GRIN3A: variants seen among roughly 807,000 people sequenced by gnomAD.
GRIN3A encodes the protein glutamate receptor ionotropic, NMDA 3A.
Under a neutral mutation model 92.4 loss-of-function variants are expected in GRIN3A, and 47 were observed. That is an observed-to-expected ratio of 0.51 (90% CI 0.40 to 0.65). The LOEUF is 0.65. GRIN3A is among the 30% of genes least tolerant of loss of function. GRIN3A has a pLI of 0.00. For missense variants in GRIN3A, 1,324 were observed against 1,393.1 expected (o/e 0.95, Z 0.79); for synonymous variants, 527 against 540.6 (o/e 0.97, Z 0.35).
rs551444528 is a variant in GRIN3A, at chr9:101,613,379, C to T, written c.2763G>A (p.Thr921=). The change falls in exon 6 of 9, where the codon ACG becomes ACA. Residue 921 remains threonine (T), a synonymous_variant. Coordinates refer to ENST00000361820, the MANE Select transcript of GRIN3A (RefSeq NM_133445.3). ...ATTTTCAACAGTCTTTCCATACCTC[C>T]GTGACAGCAAAACTTCTCTTGCCAC... ...VPCGKRSFAV[T]ETLQMGIKHF... 1,123 of 1,614,154 alleles carry T rather than the reference C, an allele frequency of 7.0e-4. 20 individuals carry two copies. The South Asian group carries it at 0.011, about 16-fold the overall frequency.
chr9:101,664,305 A>G (rs1261252790), intron 3 of GRIN3A, among the ~76,000 whole-genome samples: 2 of 151,904 alleles, frequency 1.3e-5, no homozygotes, highest in African/African-American at 4.8e-5. Context: ...GAATAGTGCT[A>G]TTTTACATTG....
At position 101,569,659 on chromosome 9, in the gene GRIN3A, T is replaced by C. The variant is rs1827733279; in HGVS notation, c.*3515A>G. The stretch of plus-strand genomic sequence containing the variant: ...AGGGAATCCTGGATTAGATGGATAG[T>C]TTAGGTGGGTAAAGAAAGGAATAAC... On this transcript the variant is annotated 3_prime_UTR_variant, in exon 9 of 9. Transcript: ENST00000361820. The C allele has an allele frequency of 6.6e-6, 1 of 152,202 alleles. No homozygotes were observed. The highest frequency in any genetic ancestry group is 2.1e-4 in the South Asian group (1 of 4,830). 9.4% of individuals were successfully genotyped at this position (152,202 alleles called of 1,614,324 possible).
chr9:101,588,773 AAACT>A (rs1827982155), intron 6 of GRIN3A, among the ~76,000 whole-genome samples: 1 of 151,858 alleles, frequency 6.6e-6, no homozygotes, highest in African/African-American at 2.4e-5. Flanking sequence ...ATTTTCTAAC[AAACT>A]ATTTTAATAT....
At chr9:101,576,531 G>T (rs1021403629) in intron 8 of GRIN3A, among the ~76,000 whole-genome samples, 1 of 152,160 alleles carries the variant, frequency 6.6e-6, no homozygotes, top group South Asian at 2.1e-4. Flanking sequence ...AGTTGGAGAT[G>T]GGATCATTGG....
At chr9:101,692,064 G>A (rs1369416687) in intron 1 of GRIN3A, among the ~76,000 whole-genome samples, 2 of 152,204 alleles carry the variant, frequency 1.3e-5, no homozygotes, top group African/African-American at 4.8e-5. Context: ...TTTAGTCACT[G>A]TTGGAAGTGA....
intron 6 of GRIN3A, among the ~76,000 whole-genome samples, chr9:101,586,247 A>T (rs1283825322): frequency 6.6e-6 from 1 of 151,970 alleles, no homozygotes; most frequent in African/African-American, 2.4e-5. Flanking sequence ...TTATTTGTTT[A>T]TTGCCTATTT....
chr9:101,614,465 A>G (rs182413384), intron 5 of GRIN3A, among the ~76,000 whole-genome samples: 1 of 152,286 alleles, frequency 6.6e-6, no homozygotes, highest in African/African-American at 2.4e-5. Context: ...AACAATATGG[A>G]TGATCCTTAG....
At chr9:101,585,365 TC>T (rs1827936796) in intron 6 of GRIN3A, among the ~76,000 whole-genome samples, 2 of 152,224 alleles carry the variant, frequency 1.3e-5, no homozygotes, top group East Asian at 3.8e-4. Flanking sequence ...ATGTTCTCAT[TC>T]AGAGTCAGCT....
chr9:101,590,623 G>C (rs1433206523), intron 6 of GRIN3A, among the ~76,000 whole-genome samples: 1 of 151,878 alleles, frequency 6.6e-6, no homozygotes, highest in African/African-American at 2.4e-5. Context: ...CTCGTGATCT[G>C]CCCGCCTCGG....
chr9:101,696,088 A>C (rs1829680483), intron 1 of GRIN3A, among the ~76,000 whole-genome samples: 1 of 152,180 alleles, frequency 6.6e-6, no homozygotes, highest in African/African-American at 2.4e-5. Context: ...CTCATAGGCG[A>C]AATAGACCAG....
In GRIN3A at chr9:101,738,086, C is replaced by CG; in HGVS notation, c.-108_-107insC. 1 of 950,448 alleles carries CG rather than the reference C, an allele frequency of 1.1e-6. No individual in the cohort carries two copies. The highest frequency in any genetic ancestry group is 1.6e-6 in the Non-Finnish European group (1 of 614,192). The allele number at this position is 950,448 out of a possible 1,614,324, so 58.9% of individuals were successfully genotyped here. A position where few individuals can be genotyped will look rare whatever the true frequency, so the allele number is the denominator to read the frequency against. On this transcript the variant is annotated 5_prime_UTR_variant, in exon 1 of 9. Transcript: ENST00000361820. Reference sequence around the variant, plus strand: ...CCAGGTCCCGCGCGCAGCTTCACTCCACTCGGTGAAGCGGTCCCAGGAGCT... The same window carrying CG: ...CCAGGTCCCGCGCGCAGCTTCACTCCGACTCGGTGAAGCGGTCCCAGGAGCT...
At chr9:101,655,285 T>C (rs777748318) in intron 3 of GRIN3A, among the ~76,000 whole-genome samples, 64 of 151,932 alleles carry the variant, frequency 4.2e-4, no homozygotes, top group Non-Finnish European at 7.1e-4. Context: ...AAGCAAAATA[T>C]ATTCTGCAAT....
intron 3 of GRIN3A, among the ~76,000 whole-genome samples, chr9:101,658,874 C>A (rs921077479): frequency 1.4e-4 from 21 of 151,754 alleles, no homozygotes; most frequent in African/African-American, 5.1e-4. Flanking sequence ...ATACTGAGTT[C>A]ACAACAGACC....
chr9:101,637,103 C>CT (rs1828794158), intron 3 of GRIN3A, among the ~76,000 whole-genome samples: 1 of 150,004 alleles, frequency 6.7e-6, no homozygotes, highest in Admixed American at 6.6e-5. Flanking sequence ...TTTTTTTTTT[C>CT]TTTTTTTGAG....
chr9:101,713,846 T>C (rs1829911309), intron 1 of GRIN3A, among the ~76,000 whole-genome samples: 1 of 151,424 alleles, frequency 6.6e-6, no homozygotes, highest in Admixed American at 6.6e-5. Context: ...GAGGCAGAGG[T>C]GGGAGGATTG....
intron 6 of GRIN3A, among the ~76,000 whole-genome samples, chr9:101,596,102 G>A (rs952157489): frequency 1.3e-5 from 2 of 152,176 alleles, no homozygotes; most frequent in African/African-American, 4.8e-5. Flanking sequence ...CAAACTGAAA[G>A]ATGCAAACAC....
intron 6 of GRIN3A, among the ~76,000 whole-genome samples, chr9:101,605,575 T>TGAAG (rs1052379612): frequency 1.3e-5 from 2 of 152,030 alleles, no homozygotes; most frequent in African/African-American, 4.8e-5. Flanking sequence ...TTTTAGTGGG[T>TGAAG]GAAGGTAAAG....
At chr9:101,723,613 G>A (rs1014224123) in intron 1 of GRIN3A, among the ~76,000 whole-genome samples, 3 of 152,148 alleles carry the variant, frequency 2.0e-5, no homozygotes, top group Admixed American at 6.5e-5. Flanking sequence ...TGGTAGAGCC[G>A]AGTGGTCTGT....
intron 3 of GRIN3A, among the ~76,000 whole-genome samples, chr9:101,667,230 TGGAG>T (rs1471005841): frequency 6.6e-6 from 1 of 151,888 alleles, no homozygotes; most frequent in African/African-American, 2.4e-5. Flanking sequence ...ATGAATTACT[TGGAG>T]GTAATACATT....
Sources: allele counts gnomAD v4.1 joint callset (sites outside exome capture counted in the v4.1 genomes callset), GRCh38; gene constraint gnomAD v4.1.1; transcripts MANE v1.5; gene names NCBI Gene and HGNC (gene_info 2026-07-23, HGNC 2026-07-21).